RASA2: variants seen among roughly 807,000 people sequenced by gnomAD.
The protein encoded by RASA2 is RAS p21 protein activator 2.
In RASA2, 155 loss-of-function variants were observed where a neutral mutation model predicts 118.2. The observed-to-expected ratio is 1.31, with a 90% confidence interval of 1.15 to 1.50. RASA2 has a LOEUF of 1.50. Ranked by LOEUF, RASA2 falls within the 40% of genes most tolerant of loss-of-function variation. The pLI, the probability that RASA2 is intolerant of heterozygous loss-of-function variation, is 0.00. For synonymous variants in RASA2, 353 were observed against 349.1 expected (o/e 1.01, Z -0.12); for missense variants, 1,016 against 1,009.6 (o/e 1.01, Z -0.09).
chr3:141,609,766 C>A, intron 22 of RASA2, 111 bp from the exon 23 acceptor site: 1 of 1,044,174 alleles, frequency 9.6e-7, no homozygotes, highest in Non-Finnish European at 1.4e-6. Flanking sequence ...TCGGCTCTGC[C>A]AAGGGAAATC....
At chr3:141,549,484 C>CGTGTGT (rs56036122) in intron 5 of RASA2, among the ~76,000 whole-genome samples, 11,616 of 145,208 alleles carry the variant, frequency 0.08, 639 homozygotes, top group East Asian at 0.19. Context: ...TGTGTGTGTG[C>CGTGTGT]GTGTGTGTGT....
At chr3:141,576,696 T>C (rs2083017515) in intron 14 of RASA2, among the ~76,000 whole-genome samples, 1 of 152,236 alleles carries the variant, frequency 6.6e-6, no homozygotes, top group South Asian at 2.1e-4. Context: ...CTTTTATTTC[T>C]GTTGTAATTT....
At chr3:141,544,845 C>T (rs1023749194) in intron 5 of RASA2, among the ~76,000 whole-genome samples, 3 of 152,158 alleles carry the variant, frequency 2.0e-5, no homozygotes, top group East Asian at 1.9e-4. Context: ...GGAACATAGG[C>T]GGAGCTGAAG....
chr3:141,595,334 T>C (rs1419842498), intron 19 of RASA2, among the ~76,000 whole-genome samples: 1 of 152,146 alleles, frequency 6.6e-6, no homozygotes, highest in Non-Finnish European at 1.5e-5. Flanking sequence ...AAAAGCAAGA[T>C]CCAATAATAT....
chr3:141,507,157 T>G (rs2081881534), intron 1 of RASA2, among the ~76,000 whole-genome samples: 1 of 152,174 alleles, frequency 6.6e-6, no homozygotes, highest in Admixed American at 6.5e-5. Flanking sequence ...TGAAAATAAT[T>G]TTCAGTGAAA....
chr3:141,518,098 T>C (rs1292463927), intron 3 of RASA2, among the ~76,000 whole-genome samples: 1 of 152,200 alleles, frequency 6.6e-6, no homozygotes, highest in Non-Finnish European at 1.5e-5. Flanking sequence ...AGAGGTCTAA[T>C]TTACATTTAT....
intron 9 of RASA2, among the ~76,000 whole-genome samples, chr3:141,560,898 T>C (rs1032796462): frequency 1.2e-4 from 18 of 152,208 alleles, no homozygotes; most frequent in African/African-American, 4.3e-4. Context: ...CTGCCTCTTC[T>C]GATTGGCCAT....
intron 17 of RASA2, 120 bp downstream of exon 17, chr3:141,581,297 C>A: frequency 1.2e-6 from 1 of 824,316 alleles, no homozygotes; most frequent in Non-Finnish European, 1.6e-6. Context: ...AACTGTTCAT[C>A]AAAAAGGCTT....
intron 9 of RASA2, among the ~76,000 whole-genome samples, chr3:141,566,613 A>G (rs1486430930): frequency 6.6e-6 from 1 of 152,232 alleles, no homozygotes; most frequent in Non-Finnish European, 1.5e-5. Flanking sequence ...TGACTTTTTA[A>G]AATTATATAT....
chr3:141,562,411 C>T (rs1273777404), intron 9 of RASA2, among the ~76,000 whole-genome samples: 2 of 147,380 alleles, frequency 1.4e-5, no homozygotes, highest in African/African-American at 2.5e-5. Context: ...ATCATGAGGT[C>T]AGGAGATCGA....
At chr3:141,551,107 C>T (rs763567885) in intron 5 of RASA2, among the ~76,000 whole-genome samples, 1 of 152,024 alleles carries the variant, frequency 6.6e-6, no homozygotes, top group Non-Finnish European at 1.5e-5. Flanking sequence ...TTCTTAGTTC[C>T]TTGCATTCCT....
At chr3:141,495,439 T>C (rs1427910825) in intron 1 of RASA2, among the ~76,000 whole-genome samples, 1 of 152,144 alleles carries the variant, frequency 6.6e-6, no homozygotes, top group East Asian at 1.9e-4. Context: ...AAATAAAGGA[T>C]ACGAATAGGC....
At chr3:141,554,423 C>T (rs768821452) in intron 6 of RASA2, among the ~76,000 whole-genome samples, 7 of 152,146 alleles carry the variant, frequency 4.6e-5, no homozygotes, top group Non-Finnish European at 7.4e-5. Context: ...TGTAGAAAAA[C>T]TGCTGAAGTA....
rs554573011 is a variant in RASA2, at chr3:141,594,177, T to A, written c.1933+7425T>A. The stretch of plus-strand genomic sequence containing the variant: ...ACCTGACATCAAAAATCTGATGGGC[T>A]TAACAACAGATTGGTTCACTGAACT... On this transcript the variant is annotated intron_variant, in intron 19 of 23. Coordinates refer to ENST00000286364, the MANE Select transcript of RASA2 (RefSeq NM_006506.5). Among the ~76,000 whole-genome samples the A allele has an allele frequency of 1.3e-4, 20 of 152,232 alleles. No individual in the cohort carries two copies. The South Asian group carries it at 4.2e-3, about 32-fold the overall frequency.
At chr3:141,607,605 C>T in intron 19 of RASA2, 73 bp from the exon 20 acceptor site, 4 of 1,429,094 alleles carry the variant, frequency 2.8e-6, no homozygotes, top group Middle Eastern at 2.4e-4. Flanking sequence ...TTAAACCCTA[C>T]AGAATTAACC....
chr3:141,599,224 G>A (rs1382774920), intron 19 of RASA2, among the ~76,000 whole-genome samples: 1 of 145,750 alleles, frequency 6.9e-6, no homozygotes, highest in African/African-American at 2.5e-5. Context: ...TGAAGATTGA[G>A]TTTCTTTGTT....
At chr3:141,516,579 AT>A in intron 3 of RASA2, 148 bp downstream of exon 3, 1 of 666,286 alleles carries the variant, frequency 1.5e-6, no homozygotes, top group Non-Finnish European at 2.0e-6. Flanking sequence ...GTGAAATTTC[AT>A]TTTTAATTTG....
chr3:141,600,480 G>A lies in RASA2; in HGVS notation c.1934-7198G>A, dbSNP rs754513118. The A allele has an allele frequency of 4.0e-5, 13 of 328,680 alleles. 1 individual carries two copies. The highest frequency in any genetic ancestry group is 8.9e-5 in the East Asian group (1 of 11,250). The allele number at this position is 328,680 out of a possible 1,614,324, so 20.4% of individuals were successfully genotyped here. A position where few individuals can be genotyped will look rare whatever the true frequency, so the allele number is the denominator to read the frequency against. On this transcript the variant is annotated intron_variant, in intron 19 of 23. Coordinates refer to ENST00000286364, the MANE Select transcript of RASA2 (RefSeq NM_006506.5). ...TGCGCTCCTTATTAGACAGCTCGGC[G>A]ACCTACTTGGTCACAGCCTTCATGC...
chr3:141,603,797 A>G (rs551116957), intron 19 of RASA2, among the ~76,000 whole-genome samples: 2 of 152,278 alleles, frequency 1.3e-5, no homozygotes, highest in South Asian at 2.1e-4. Context: ...TTCTGTCTCT[A>G]TAGATTTGCC....
Sources: allele counts gnomAD v4.1 joint callset (sites outside exome capture counted in the v4.1 genomes callset), GRCh38; gene constraint gnomAD v4.1.1; transcripts MANE v1.5; gene names NCBI Gene and HGNC (gene_info 2026-07-23, HGNC 2026-07-21).